Variants in CDH13 observed in about 807,000 individuals in gnomAD.
The protein encoded by CDH13 is cadherin 13, also known as cadherin-13.
A neutral mutation model predicts 63.8 loss-of-function variants in CDH13; 24 were observed. The observed-to-expected ratio is 0.38, with a 90% CI of 0.27 to 0.53. The LOEUF (loss-of-function observed/expected upper bound fraction) is 0.53. CDH13 is among the 20% of genes least tolerant of loss of function. CDH13 has a pLI of 0.85. For missense variants in CDH13, 1,049 were observed against 903.1 expected (o/e 1.16, Z -2.07); for synonymous variants, 503 against 355.3 (o/e 1.42, Z -4.67).
chr16:83,602,069 T>C, intron 7 of CDH13, among the ~76,000 whole-genome samples: 2 of 104,766 alleles, frequency 1.9e-5, no homozygotes, highest in Non-Finnish European at 3.5e-5. Context: ...CTCTAGAGAG[T>C]GAGACTCTGT....
chr16:82,836,870 C>T (rs549613639), intron 1 of CDH13, among the ~76,000 whole-genome samples: 1 of 152,300 alleles, frequency 6.6e-6, no homozygotes, highest in South Asian at 2.1e-4. Context: ...ATTTTTAGGA[C>T]AGAGTTATTC....
At chr16:83,728,009 G>C (rs1910610248) in intron 10 of CDH13, among the ~76,000 whole-genome samples, 1 of 152,142 alleles carries the variant, frequency 6.6e-6, no homozygotes, top group Admixed American at 6.5e-5. Flanking sequence ...TTTCTTTTGT[G>C]AGGCAAAAGC....
At chr16:83,405,961 C>G (rs1353024230) in intron 6 of CDH13, among the ~76,000 whole-genome samples, 2 of 152,232 alleles carry the variant, frequency 1.3e-5, no homozygotes, top group Non-Finnish European at 2.9e-5. Flanking sequence ...CCTTGAGCCA[C>G]ATGCCCTCAG....
At chr16:82,944,907 A>G (rs945248587) in intron 2 of CDH13, among the ~76,000 whole-genome samples, 1 of 152,204 alleles carries the variant, frequency 6.6e-6, no homozygotes, top group East Asian at 1.9e-4. Flanking sequence ...TCAATAAAGT[A>G]GTTAAGAGAA....
At chr16:83,137,796 C>G (rs533743956) in intron 4 of CDH13, among the ~76,000 whole-genome samples, 1 of 152,092 alleles carries the variant, frequency 6.6e-6, no homozygotes, top group Admixed American at 6.5e-5. Context: ...AATTACTAGT[C>G]CAAGTTTTGA....
rs2037433856 is a variant in CDH13, at chr16:83,161,327, T to C, written c.483+35826T>C. On this transcript the variant is annotated intron_variant, in intron 4 of 13. Coordinates refer to ENST00000567109, the MANE Select transcript of CDH13 (RefSeq NM_001257.5). ...AATGTAGTATTCAGAATTTGAATATTGAGCTTCTATATTAAAGAAATCATC... is the reference window on the plus strand; with the variant it reads ...AATGTAGTATTCAGAATTTGAATATCGAGCTTCTATATTAAAGAAATCATC... 2.6e-5 allele frequency among the ~76,000 whole-genome samples: 4 copies of C among 151,834 alleles called. No individual in the cohort carries two copies. In the South Asian group the frequency reaches 8.3e-4, roughly 32 times the overall value.
intron 6 of CDH13, among the ~76,000 whole-genome samples, chr16:83,439,671 C>G (rs963204846): frequency 3.9e-5 from 6 of 152,160 alleles, no homozygotes; most frequent in Non-Finnish European, 8.8e-5. Context: ...TGCATAATTA[C>G]GGAATGGCCT....
intron 2 of CDH13, among the ~76,000 whole-genome samples, chr16:82,957,620 T>C (rs553556185): frequency 3.9e-5 from 6 of 152,368 alleles, no homozygotes; most frequent in African/African-American, 1.4e-4. Context: ...CAGTATACTT[T>C]AGTGATTAAG....
intron 1 of CDH13, among the ~76,000 whole-genome samples, chr16:82,668,226 G>C (rs1224038848): frequency 6.6e-6 from 1 of 152,116 alleles, no homozygotes; most frequent in African/African-American, 2.4e-5. Flanking sequence ...GACTTTGGTT[G>C]TTCCCCGTGT....
chr16:83,575,111 C>T (rs1161651854), intron 7 of CDH13, among the ~76,000 whole-genome samples: 1 of 152,126 alleles, frequency 6.6e-6, no homozygotes, highest in Admixed American at 6.5e-5. Context: ...TTGCTGAAGC[C>T]ACCTGGCTTG....
intron 3 of CDH13, among the ~76,000 whole-genome samples, chr16:83,042,071 C>G (rs921433428): frequency 5.3e-5 from 8 of 152,326 alleles, no homozygotes; most frequent in South Asian, 2.1e-4. Context: ...TTTGAATCCT[C>G]TGTTTGTTTT....
chr16:83,786,574 CTTTA>C (rs1363686088), intron 13 of CDH13, among the ~76,000 whole-genome samples: 6 of 131,048 alleles, frequency 4.6e-5, no homozygotes, highest in African/African-American at 1.5e-4. Flanking sequence ...TCTTTTTTTC[CTTTA>C]TTTGTTTACT....
chr16:83,186,768 G>T (rs747406447), intron 4 of CDH13, among the ~76,000 whole-genome samples: 36 of 152,042 alleles, frequency 2.4e-4, no homozygotes, highest in Non-Finnish European at 4.9e-4. Context: ...TTGAAAGAAT[G>T]AGACAAGTCA....
chr16:83,349,908 G>A (rs981696620), intron 6 of CDH13, among the ~76,000 whole-genome samples: 1 of 152,088 alleles, frequency 6.6e-6, no homozygotes, highest in Non-Finnish European at 1.5e-5. Context: ...CCCTTGAGGT[G>A]CATTATTAAA....
chr16:83,457,775 G>A (rs762487289), intron 6 of CDH13, among the ~76,000 whole-genome samples: 1 of 152,130 alleles, frequency 6.6e-6, no homozygotes, highest in African/African-American at 2.4e-5. Context: ...GACCCACTCC[G>A]CATCCAAGAT....
intron 7 of CDH13, among the ~76,000 whole-genome samples, chr16:83,545,597 T>C (rs979224959): frequency 6.6e-6 from 1 of 152,156 alleles, no homozygotes; most frequent in Admixed American, 6.5e-5. Context: ...AGTGATGGAA[T>C]TAAAGTCCTT....
intron 4 of CDH13, among the ~76,000 whole-genome samples, chr16:83,168,898 T>A (rs2037803890): frequency 2.0e-5 from 3 of 152,132 alleles, no homozygotes; most frequent in African/African-American, 7.2e-5. Flanking sequence ...CTCAATTTAT[T>A]GAAACTTTTC....
chr16:83,750,588 A>G (rs1291608631), intron 11 of CDH13, among the ~76,000 whole-genome samples: 1 of 152,178 alleles, frequency 6.6e-6, no homozygotes, highest in Non-Finnish European at 1.5e-5. Context: ...CCCTGATCCA[A>G]TATGATTGAT....
At chr16:82,671,068 C>A (rs569505284) in intron 1 of CDH13, among the ~76,000 whole-genome samples, 1 of 152,136 alleles carries the variant, frequency 6.6e-6, no homozygotes, top group African/African-American at 2.4e-5. Context: ...GCCAGCCTTT[C>A]GTGGGTATTA....
Sources: gnomAD v4.1 joint callset for allele counts (sites outside exome capture counted in the v4.1 genomes callset) on GRCh38, gnomAD v4.1.1 for gene constraint, MANE v1.5 for transcripts, NCBI Gene and HGNC (gene_info 2026-07-23, HGNC 2026-07-21) for gene names.